Variants in ACACA observed in about 807,000 individuals in gnomAD.
The protein encoded by ACACA is acetyl-CoA carboxylase 1.
In ACACA, 103 loss-of-function variants were observed where a neutral mutation model predicts 296.1. That is an observed-to-expected ratio of 0.35 (90% CI 0.30 to 0.41). The LOEUF (loss-of-function observed/expected upper bound fraction) is 0.41, where lower values mean the gene tolerates loss of function less well. Ranked by LOEUF, ACACA falls within the 10% of genes least tolerant of loss-of-function variation. The pLI is 1.00. For missense variants in ACACA, 1,554 were observed against 2,989.7 expected, an observed-to-expected ratio of 0.52 and a Z score of 11.20; for synonymous variants, 953 against 1,038.6, an observed-to-expected ratio of 0.92 and a Z score of 1.58.
chr17:37,324,342 G>T (rs533119047), intron 3 of ACACA, among the ~76,000 whole-genome samples: 19 of 151,410 alleles, frequency 1.3e-4, no homozygotes, highest in African/African-American at 4.6e-4. Flanking sequence ...CTCTGGCCTG[G>T]GCAACAAGAG....
At chr17:37,369,643 T>G (rs2049729741) in intron 1 of ACACA, among the ~76,000 whole-genome samples, 1 of 151,250 alleles carries the variant, frequency 6.6e-6, no homozygotes, top group South Asian at 2.1e-4. Context: ...AGACCCCATT[T>G]CTAGAAAAAA....
In ACACA at chr17:37,259,530, A is replaced by T. The variant is rs772497778; in HGVS notation, c.1330T>A (p.Cys444Ser). 1.2e-6 allele frequency: 2 copies of T among 1,614,036 alleles called. No homozygotes were observed. Among genetic ancestry groups the T allele is most frequent in the East Asian group, 2.2e-5 (1 of 44,888 alleles). The change falls in exon 12 of 56, where the codon TGT (cysteine) becomes AGT (serine). Residue 444 changes from cysteine (C) to serine (S), a missense_variant and splice_region_variant. By Grantham distance (112) the Cys-to-Ser change is moderately radical. This residue lies in a region of ACACA where 82 missense variants were observed against 185.2 expected (regional missense o/e 0.44). Coordinates refer to ENST00000616317, the MANE Select transcript of ACACA (RefSeq NM_198834.3). ...TPAVFEHMEQ[C>S]AVKLAKMVGY... is the part of the protein sequence containing the mutation. ...ACCATTTTGGCAAGTTTCACCGCAC[A>T]CTCAAAGAAGAGAGATAAGCAAACA...
At chr17:37,343,842 T>C (rs1233419958) in intron 1 of ACACA, among the ~76,000 whole-genome samples, 1 of 151,922 alleles carries the variant, frequency 6.6e-6, no homozygotes, top group Non-Finnish European at 1.5e-5. Flanking sequence ...TTTTAATGGA[T>C]TTTGGTTATT....
chr17:37,284,895 A>G lies in ACACA; in HGVS notation c.414T>C (p.Thr138=). Residue 138 remains threonine (T), a synonymous_variant, in exon 4 of 56, where the codon ACT becomes ACC. Coordinates refer to ENST00000616317, the MANE Select transcript of ACACA (RefSeq NM_198834.3). The part of the protein sequence containing the change: ...RKKIDSQRDF[T]VASPAEFVTR... ...TAACAAATTCTGCTGGAGAAGCCAC[A>G]GTGAAATCTCGTTGAGAATCTATTT... 1 of 1,614,222 alleles carries G rather than the reference A, an allele frequency of 6.2e-7. No individual in the cohort carries two copies. Among genetic ancestry groups the G allele is most frequent in the South Asian group, 1.1e-5 (1 of 91,082 alleles).
intron 1 of ACACA, among the ~76,000 whole-genome samples, chr17:37,380,568 C>G (rs1007108234): frequency 2.0e-5 from 3 of 151,948 alleles, no homozygotes; most frequent in African/African-American, 7.3e-5. Context: ...TCTGATGGAT[C>G]TTCTTTCAAC....
chr17:37,275,903 A>G (rs373010019), intron 8 of ACACA, 48 bp downstream of exon 8: 17 of 1,486,362 alleles, frequency 1.1e-5, no homozygotes, highest in East Asian at 2.3e-5. Context: ...CAAATATCCT[A>G]CTGAGCTATT....
intron 3 of ACACA, among the ~76,000 whole-genome samples, chr17:37,309,392 A>C (rs1354778722): frequency 6.6e-6 from 1 of 152,198 alleles, no homozygotes; most frequent in Non-Finnish European, 1.5e-5. Context: ...CTATAAACAA[A>C]ATATATGGCT....
chr17:37,248,023 T>G lies in ACACA; in HGVS notation c.2297A>C (p.Glu766Ala), dbSNP rs1375957388. The change falls in exon 18 of 56, where the codon GAG becomes GCG. Residue 766 changes from glutamate (E) to alanine (A), a missense_variant. Glu to Ala is a moderately radical substitution (Grantham distance 107). Coordinates refer to ENST00000616317, the MANE Select transcript of ACACA (RefSeq NM_198834.3). ...DGSSYTTYMK[E>A]EVDRYRITIG... The stretch of plus-strand genomic sequence containing the variant: ...AACAGCCACTTACCTATCCACTTCC[T>G]CTTTCATATACGTAGTATAACTGCT... 4 of 1,614,112 alleles carry G rather than the reference T, an allele frequency of 2.5e-6. No homozygotes were observed.
At chr17:37,245,009 TC>T in intron 20 of ACACA, 70 bp downstream of exon 20, 1 of 1,602,782 alleles carries the variant, frequency 6.2e-7, no homozygotes, top group Non-Finnish European at 8.5e-7. Context: ...AGCATTGAAA[TC>T]ACTTGCCTCT....
At chr17:37,123,472 T>A (rs1298009895) in intron 48 of ACACA, among the ~76,000 whole-genome samples, 4 of 152,222 alleles carry the variant, frequency 2.6e-5, no homozygotes, top group Admixed American at 2.6e-4. Context: ...GGTGAGTCTT[T>A]ACTCTGGAAA....
Position 37,087,235 on chromosome 17 carries a change from TC to T in ACACA, c.*80del, listed in dbSNP as rs139313088. The T allele has an allele frequency of 0.023, 36,777 of 1,594,614 alleles. 890 individuals are homozygous for T. The highest frequency in any genetic ancestry group is 0.089 in the South Asian group (8,062 of 90,442). On this transcript the variant is annotated 3_prime_UTR_variant, in exon 56 of 56. Coordinates refer to ENST00000616317, the MANE Select transcript of ACACA (RefSeq NM_198834.3). ...CCAGTGCTGGGTCTCCTGTGCCTTC[TC>T]ATTACAGTGGTTACAGTTGTAAAAG...
At chr17:37,358,641 G>T (rs556118348) in intron 1 of ACACA, among the ~76,000 whole-genome samples, 1 of 152,324 alleles carries the variant, frequency 6.6e-6, no homozygotes, top group South Asian at 2.1e-4. Context: ...TTGGAGAGGG[G>T]TCTGGAAGGA....
chr17:37,232,364 G>A (rs1168318878), intron 25 of ACACA, among the ~76,000 whole-genome samples: 1 of 152,184 alleles, frequency 6.6e-6, no homozygotes, highest in Non-Finnish European at 1.5e-5. Context: ...GAGAACACAA[G>A]CTGGGGGAGT....
rs762530814 is a variant in ACACA, at chr17:37,242,062, T to TA, written c.2932-10dup. ...TCTAGGATGTTTGCAATCTAAGGTA[T>TA]AAAAAAGGGAAAAAAATGAGGCCCA... is the stretch of plus-strand genomic sequence containing the variant. On this transcript the variant is annotated splice_polypyrimidine_tract_variant and intron_variant, in intron 22 of 55. Transcript: ENST00000616317. The TA allele has an allele frequency of 3.1e-6, 5 of 1,611,806 alleles. No individual in the cohort carries two copies. The highest frequency in any genetic ancestry group is 1.7e-4 in the Middle Eastern group (1 of 6,056).
chr17:37,337,793 C>G (rs1026953739), intron 2 of ACACA, among the ~76,000 whole-genome samples: 7 of 151,532 alleles, frequency 4.6e-5, no homozygotes, highest in Admixed American at 6.6e-5. Context: ...CTTTAGCTAA[C>G]TTCTATCTTT....
At position 37,097,122 on chromosome 17, in the gene ACACA, C is replaced by A. The variant is rs374398715; in HGVS notation, c.6765G>T (p.Arg2255=). 5.0e-6 allele frequency: 8 copies of A among 1,613,928 alleles called. No homozygotes were observed. The highest frequency in any genetic ancestry group is 6.8e-6 in the Non-Finnish European group (8 of 1,180,040). ...GGTCCTCCAGCAGAAGACGCCTCAG[C>A]CGCCAGTAGAAGAAGGTACGGGATG... ...WKTSRTFFYW[R]LRRLLLEDLV... is the part of the protein sequence containing the mutation. Residue 2255 remains arginine (R), a synonymous_variant, in exon 54 of 56, where the codon CGG becomes CGT. Coordinates refer to ENST00000616317, the MANE Select transcript of ACACA (RefSeq NM_198834.3). The surrounding 1 kb of genome is among the most constrained non-coding windows in gnomAD (Gnocchi z 4.8).
intron 1 of ACACA, chr17:37,391,633 C>T: frequency 1.9e-6 from 3 of 1,611,854 alleles, no homozygotes; most frequent in Non-Finnish European, 1.7e-6. Context: ...TTCATATTTC[C>T]TTTCAATCTC....
intron 44 of ACACA, among the ~76,000 whole-genome samples, chr17:37,150,264 G>A (rs1403570777): frequency 6.6e-6 from 1 of 151,796 alleles, no homozygotes; most frequent in Non-Finnish European, 1.5e-5. Flanking sequence ...CCTTGGGGCC[G>A]GGCGAGGCAG....
At chr17:37,088,191 TAAA>T (rs1354128322) in intron 55 of ACACA, among the ~76,000 whole-genome samples, 2 of 152,220 alleles carry the variant, frequency 1.3e-5, no homozygotes, top group East Asian at 3.8e-4. Context: ...AGATATCAGA[TAAA>T]AGTTTTTAAT....
Sources: gnomAD v4.1 joint callset for allele counts (sites outside exome capture counted in the v4.1 genomes callset) on GRCh38, gnomAD v4.1.1 for gene constraint, gnomAD v4.1.1 regional missense constraint, Gnocchi (gnomAD v3.1) non-coding constraint, MANE v1.5 for transcripts, NCBI Gene and HGNC (gene_info 2026-07-23, HGNC 2026-07-21) for gene names.